The following COL26A1 variants were observed in gnomAD, a reference collection of about 807,000 sequenced individuals.
The protein encoded by COL26A1 is collagen type XXVI alpha 1 chain.
In COL26A1, 41 loss-of-function variants were observed where a neutral mutation model predicts 59.3. The observed-to-expected ratio is 0.69, with a 90% CI of 0.54 to 0.90. The LOEUF is 0.90. COL26A1 is among the 40% of genes least tolerant of loss of function. The pLI, the probability that COL26A1 is intolerant of heterozygous loss-of-function variation, is 0.00. For missense variants in COL26A1, 612 were observed against 602.3 expected, an observed-to-expected ratio of 1.02 and a Z score of -0.17; for synonymous variants, 266 against 256.0, an observed-to-expected ratio of 1.04 and a Z score of -0.37.
chr7:101,486,322 G>A (rs1794267993), intron 3 of COL26A1, among the ~76,000 whole-genome samples: 1 of 152,122 alleles, frequency 6.6e-6, no homozygotes, highest in South Asian at 2.1e-4. Flanking sequence ...TTCATTCCAC[G>A]TCCCCCCCAA....
chr7:101,376,206 G>T (rs907838570), intron 1 of COL26A1, among the ~76,000 whole-genome samples: 1 of 151,680 alleles, frequency 6.6e-6, no homozygotes, highest in Non-Finnish European at 1.5e-5. Context: ...CAGCTACCTG[G>T]GAGGGGAGGC....
rs373698404 is a variant in COL26A1, at chr7:101,533,151, G to T, written c.447+8G>T. 1.3e-6 allele frequency: 2 copies of T among 1,595,172 alleles called. No individual in the cohort carries two copies. The highest frequency in any genetic ancestry group is 1.7e-5 in the Admixed American group (1 of 57,782). ...ACCACACTGGAGGCCAAGGTCAGTCGGGCTGGGGAGTCTGGGCCTGGGGAG... is the reference window on the plus strand; with the variant it reads ...ACCACACTGGAGGCCAAGGTCAGTCTGGCTGGGGAGTCTGGGCCTGGGGAG... On this transcript the variant is annotated splice_region_variant and intron_variant, in intron 4 of 12. Coordinates refer to ENST00000313669, the MANE Select transcript of COL26A1 (RefSeq NM_001278563.3).
chr7:101,489,600 T>TTTTTCTTTC (rs1794340336), intron 3 of COL26A1, among the ~76,000 whole-genome samples: 2 of 143,056 alleles, frequency 1.4e-5, no homozygotes, highest in Non-Finnish European at 3.0e-5. Context: ...ATTTTCTTTC[T>TTTTTCTTTC]TTTTCTTTCT....
chr7:101,392,174 C>T (rs1443727931), intron 1 of COL26A1, among the ~76,000 whole-genome samples: 10 of 151,978 alleles, frequency 6.6e-5, no homozygotes, highest in Admixed American at 2.6e-4. Flanking sequence ...AGAGGTGTGA[C>T]GGGGCTGGGC....
At chr7:101,547,011 C>T (rs1795749599) in intron 7 of COL26A1, 145 bp from the exon 8 acceptor site, 1 of 577,270 alleles carries the variant, frequency 1.7e-6, no homozygotes, top group East Asian at 3.0e-5. Context: ...GTGGGGGCAA[C>T]AGTATCTGCA....
intron 2 of COL26A1, among the ~76,000 whole-genome samples, chr7:101,429,250 C>T (rs1026987482): frequency 6.6e-6 from 1 of 151,912 alleles, no homozygotes; most frequent in Non-Finnish European, 1.5e-5. Context: ...AAAGTTTTAT[C>T]GTTTTCTGTT....
At chr7:101,468,437 C>G (rs923395789) in intron 3 of COL26A1, among the ~76,000 whole-genome samples, 2 of 152,200 alleles carry the variant, frequency 1.3e-5, no homozygotes, top group Admixed American at 1.3e-4. Context: ...AAGTGACCTG[C>G]CCATCCGTTT....
At chr7:101,387,149 C>A (rs1270038879) in intron 1 of COL26A1, among the ~76,000 whole-genome samples, 1 of 152,072 alleles carries the variant, frequency 6.6e-6, no homozygotes, top group African/African-American at 2.4e-5. Context: ...GCCACCCCCA[C>A]GGGATGCAAG....
At chr7:101,541,093 C>T (rs76228681) in intron 5 of COL26A1, among the ~76,000 whole-genome samples, 2,773 of 152,324 alleles carry the variant, frequency 0.018, 32 homozygotes, top group Middle Eastern at 0.061. Flanking sequence ...TGCAGTTTGC[C>T]GCAGTCCCCA....
intron 1 of COL26A1, among the ~76,000 whole-genome samples, chr7:101,414,254 C>T (rs62465643): frequency 0.03 from 4,556 of 152,208 alleles, 112 homozygotes; most frequent in Non-Finnish European, 0.041. Context: ...TTTTCCAATT[C>T]ACAGCTCATT....
intron 3 of COL26A1, among the ~76,000 whole-genome samples, chr7:101,478,950 G>A (rs909655755): frequency 6.6e-6 from 1 of 152,110 alleles, no homozygotes; most frequent in Non-Finnish European, 1.5e-5. Flanking sequence ...GCCTCTCATT[G>A]ATTTTAACTG....
At chr7:101,364,289 G>T in intron 1 of COL26A1, among the ~76,000 whole-genome samples, 1 of 152,122 alleles carries the variant, frequency 6.6e-6, no homozygotes, top group East Asian at 1.9e-4. Flanking sequence ...CTATGACAGC[G>T]CTCTGGAATG....
chr7:101,538,150 A>G (rs1795522502), intron 4 of COL26A1, among the ~76,000 whole-genome samples: 1 of 152,106 alleles, frequency 6.6e-6, no homozygotes, highest in Admixed American at 6.5e-5. Flanking sequence ...GTGACCTGAC[A>G]GCCACCGTCT....
intron 10 of COL26A1, 82 bp downstream of exon 10, chr7:101,551,225 G>GT: frequency 8.8e-6 from 3 of 339,580 alleles, no homozygotes; most frequent in South Asian, 9.1e-5. Flanking sequence ...GGTGGCGGGG[G>GT]TTGGTGGGGG....
chr7:101,491,134 T>C (rs1234018069), intron 3 of COL26A1, among the ~76,000 whole-genome samples: 19 of 151,290 alleles, frequency 1.3e-4, no homozygotes, highest in Non-Finnish European at 2.4e-4. Flanking sequence ...TTTTCTCACC[T>C]GAAAAATGGG....
rs1462179373 is a variant in COL26A1, at chr7:101,362,881, C to G, written c.-152C>G. 1.4e-5 allele frequency: 10 copies of G among 727,584 alleles called. No homozygotes were observed. Among genetic ancestry groups the G allele is most frequent in the Non-Finnish European group, 2.1e-5 (10 of 475,930 alleles). The allele number at this position is 727,584 out of a possible 1,614,324, so 45.1% of individuals were successfully genotyped here. ...GCCCCGGAGAGGCGTGGGCGCCCCC[C>G]ACACATTTCCAGCTCGCACCCGGGC... On this transcript the variant is annotated 5_prime_UTR_variant, in exon 1 of 13. Transcript: ENST00000313669.
In COL26A1 at chr7:101,420,094, C is replaced by T. The variant is rs369667000; in HGVS notation, c.276C>T (p.Leu92=). Residue 92 remains leucine, a synonymous_variant, in exon 2 of 13, where the codon CTC becomes CTT. Coordinates refer to ENST00000313669, the MANE Select transcript of COL26A1 (RefSeq NM_001278563.3). ...GGTGGCCGGGGCCCTGCGCCAACCT[C>T]GTAAGGTAAAGGCCGCTGGGCTAGG... ...SCRWPGPCAN[L]VSYRTLIRPT... The T allele has an allele frequency of 8.6e-5, 139 of 1,613,076 alleles. 1 individual carries two copies. The highest frequency in any genetic ancestry group is 5.0e-4 in the Middle Eastern group (3 of 5,998).
intron 3 of COL26A1, among the ~76,000 whole-genome samples, chr7:101,485,314 C>T (rs1794244655): frequency 6.6e-6 from 1 of 152,192 alleles, no homozygotes. Context: ...GGTTCCAGCT[C>T]ACCTGCGTGA....
At chr7:101,453,412 T>C (rs762919813) in intron 3 of COL26A1, among the ~76,000 whole-genome samples, 1 of 152,146 alleles carries the variant, frequency 6.6e-6, no homozygotes, top group Non-Finnish European at 1.5e-5. Context: ...ATGCAGTCTG[T>C]CGTTGACTGA....
Sources: allele counts gnomAD v4.1 joint callset (sites outside exome capture counted in the v4.1 genomes callset), GRCh38; gene constraint gnomAD v4.1.1; transcripts MANE v1.5; gene names NCBI Gene and HGNC (gene_info 2026-07-23, HGNC 2026-07-21).